Variants in PIP5K1B observed in about 807,000 individuals in gnomAD.
The protein encoded by PIP5K1B is phosphatidylinositol 4-phosphate 5-kinase type-1 beta.
PIP5K1B carries 42 observed loss-of-function variants against 67.0 expected under a neutral mutation model. The observed-to-expected ratio is 0.63, with a 90% CI of 0.49 to 0.81. PIP5K1B has a LOEUF of 0.81. Ranked by LOEUF, PIP5K1B falls within the 30% of genes least tolerant of loss-of-function variation. PIP5K1B has a pLI of 0.00. For missense variants in PIP5K1B, 459 were observed against 646.3 expected (o/e 0.71, Z 3.14); for synonymous variants, 214 against 231.4 (o/e 0.92, Z 0.68).
chr9:68,870,204 A>G (rs574165605), intron 5 of PIP5K1B, among the ~76,000 whole-genome samples: 2 of 152,328 alleles, frequency 1.3e-5, no homozygotes, highest in Admixed American at 6.5e-5. Context: ...TTTAATGTTT[A>G]TATAACCGAT....
At chr9:68,887,784 G>A (rs1454105075) in intron 6 of PIP5K1B, among the ~76,000 whole-genome samples, 1 of 152,234 alleles carries the variant, frequency 6.6e-6, no homozygotes, top group Admixed American at 6.5e-5. Flanking sequence ...GAAAGATGAG[G>A]AAATGTGAGG....
chr9:68,998,286 C>T (rs1413204720), intron 15 of PIP5K1B, among the ~76,000 whole-genome samples: 8 of 152,102 alleles, frequency 5.3e-5, no homozygotes, highest in Non-Finnish European at 1.0e-4. Flanking sequence ...CGAATTCGAC[C>T]TCAAGCGATC....
At chr9:68,788,702 G>T (rs1247219469) in intron 2 of PIP5K1B, 1 of 255,380 alleles carries the variant, frequency 3.9e-6, no homozygotes, top group Non-Finnish European at 8.0e-6. Context: ...GTGGAGTCAG[G>T]CTCACGTTTA....
chr9:68,988,685 A>C (rs946041281), intron 14 of PIP5K1B, among the ~76,000 whole-genome samples: 1 of 152,096 alleles, frequency 6.6e-6, no homozygotes, highest in African/African-American at 2.4e-5. Flanking sequence ...TTCTGACCTC[A>C]GATGATCTGC....
At chr9:68,832,654 A>ATCTG (rs1172567061) in intron 4 of PIP5K1B, among the ~76,000 whole-genome samples, 4 of 152,196 alleles carry the variant, frequency 2.6e-5, no homozygotes, top group African/African-American at 9.7e-5. Flanking sequence ...TCAGTCCTCT[A>ATCTG]TCTGTTCTGC....
In PIP5K1B at chr9:68,719,577, G is replaced by A. The variant is rs533223816; in HGVS notation, c.-243+13815G>A. 1.5e-3 allele frequency among the ~76,000 whole-genome samples: 236 copies of A among 152,288 alleles called. 1 individual carries two copies. The highest frequency in any genetic ancestry group is 3.4e-3 in the Middle Eastern group (1 of 294). On this transcript the variant is annotated intron_variant, in intron 1 of 15. Transcript: ENST00000265382. The stretch of plus-strand genomic sequence containing the variant: ...CTGTGGCAAGCTGTATTTAAATGAT[G>A]CCCTTTTATTTTTTTCAAGATGTGT...
chr9:68,797,388 G>A (rs111260448), intron 2 of PIP5K1B, among the ~76,000 whole-genome samples: 1 of 152,304 alleles, frequency 6.6e-6, no homozygotes, highest in Non-Finnish European at 1.5e-5. Context: ...AAAGAACAGA[G>A]TATATTCTAG....
intron 4 of PIP5K1B, among the ~76,000 whole-genome samples, chr9:68,845,148 C>T (rs1026453425): frequency 1.3e-5 from 2 of 152,122 alleles, no homozygotes; most frequent in African/African-American, 2.4e-5. Context: ...AGTGAGCCCC[C>T]GTGCTATAAT....
In PIP5K1B at chr9:68,756,099, G is replaced by A. The variant is rs566116646; in HGVS notation, c.-86+13442G>A. Among the ~76,000 whole-genome samples the A allele has an allele frequency of 5.8e-4, 89 of 152,252 alleles. 1 individual carries two copies. The highest frequency in any genetic ancestry group is 3.4e-3 in the Admixed American group (52 of 15,298). On this transcript the variant is annotated intron_variant, in intron 2 of 15. Coordinates refer to ENST00000265382, the MANE Select transcript of PIP5K1B (RefSeq NM_003558.4). ...TGTGGAGAAGGAGGCTGCATAAATT[G>A]TCTTACTCCTAAGACCAAATTCCAG... is the stretch of plus-strand genomic sequence containing the variant.
At chr9:68,799,173 A>G (rs1472753816) in intron 2 of PIP5K1B, among the ~76,000 whole-genome samples, 1 of 152,220 alleles carries the variant, frequency 6.6e-6, no homozygotes, top group Admixed American at 6.5e-5. Context: ...AGCTAAAATT[A>G]TATTTGAGAT....
intron 1 of PIP5K1B, among the ~76,000 whole-genome samples, chr9:68,713,078 A>C (rs894859957): frequency 6.6e-6 from 1 of 152,212 alleles, no homozygotes; most frequent in Non-Finnish European, 1.5e-5. Context: ...AGACCAACAG[A>C]GTCATCACTA....
chr9:68,882,691 C>A (rs1824258598), intron 6 of PIP5K1B, among the ~76,000 whole-genome samples: 1 of 152,118 alleles, frequency 6.6e-6, no homozygotes, highest in Non-Finnish European at 1.5e-5. Context: ...AACATAAACT[C>A]CTACCCATAA....
At chr9:68,890,774 T>G (rs11144158) in intron 7 of PIP5K1B, among the ~76,000 whole-genome samples, 14,775 of 152,012 alleles carry the variant, frequency 0.097, 841 homozygotes, top group Non-Finnish European at 0.14. Context: ...TTTCAGTTAT[T>G]CTTTGTTCAT....
At chr9:68,736,335 T>C (rs1828736236) in intron 1 of PIP5K1B, among the ~76,000 whole-genome samples, 1 of 152,230 alleles carries the variant, frequency 6.6e-6, no homozygotes, top group South Asian at 2.1e-4. Context: ...TGTATGCATA[T>C]TTCACATGTA....
intron 4 of PIP5K1B, among the ~76,000 whole-genome samples, chr9:68,830,571 G>A (rs1005384187): frequency 6.6e-6 from 1 of 152,126 alleles, no homozygotes; most frequent in African/African-American, 2.4e-5. Flanking sequence ...CTGATTAACT[G>A]TAGACTCTCT....
At chr9:68,814,209 A>G (rs1833313331) in intron 2 of PIP5K1B, among the ~76,000 whole-genome samples, 1 of 152,188 alleles carries the variant, frequency 6.6e-6, no homozygotes, top group African/African-American at 2.4e-5. Context: ...GCTCATCTCC[A>G]TGTCTACACA....
At chr9:68,967,594 A>G (rs531036838) in intron 14 of PIP5K1B, among the ~76,000 whole-genome samples, 271 of 152,308 alleles carry the variant, frequency 1.8e-3, no homozygotes, top group African/African-American at 6.2e-3. Flanking sequence ...TTCATTGAGT[A>G]ATATTTATCG....
intron 14 of PIP5K1B, among the ~76,000 whole-genome samples, chr9:68,944,310 G>A (rs1827697581): frequency 6.6e-6 from 1 of 152,206 alleles, no homozygotes; most frequent in Admixed American, 6.5e-5. Flanking sequence ...AGGCAAATGT[G>A]TTTTACCTCA....
intron 1 of PIP5K1B, among the ~76,000 whole-genome samples, chr9:68,712,018 T>C (rs1484663773): frequency 6.6e-6 from 1 of 152,236 alleles, no homozygotes; most frequent in Admixed American, 6.5e-5. Context: ...GTTTTGACGT[T>C]TGTCCCTTCC....
Sources: allele counts gnomAD v4.1 joint callset (sites outside exome capture counted in the v4.1 genomes callset), GRCh38; gene constraint gnomAD v4.1.1; transcripts MANE v1.5; gene names NCBI Gene and HGNC (gene_info 2026-07-23, HGNC 2026-07-21).